Variants in CFAP61 observed in about 807,000 individuals in gnomAD.
CFAP61 encodes the protein cilia and flagella associated protein 61.
Under a neutral mutation model 135.6 loss-of-function variants are expected in CFAP61, and 107 were observed. The observed-to-expected ratio is 0.79, with a 90% CI of 0.67 to 0.93. CFAP61 has a LOEUF of 0.93. Among genes scored for constraint, CFAP61 ranks in the 40% least tolerant of loss-of-function variants. The pLI is 0.00. For missense variants in CFAP61, 1,507 were observed against 1,556.2 expected, an observed-to-expected ratio of 0.97 and a Z score of 0.53; for synonymous variants, 575 against 578.5, an observed-to-expected ratio of 0.99 and a Z score of 0.09.
At chr20:20,171,908 C>T (rs6112803) in intron 13 of CFAP61, 32 of 566,460 alleles carry the variant, frequency 5.6e-5, no homozygotes, top group East Asian at 9.3e-5. Context: ...CTCGGAGCAC[C>T]GTAGCCACAT....
At chr20:20,234,629 C>T (rs183271842) in intron 18 of CFAP61, among the ~76,000 whole-genome samples, 18 of 152,212 alleles carry the variant, frequency 1.2e-4, no homozygotes, top group East Asian at 3.9e-4. Flanking sequence ...CAGTAGTTTT[C>T]GAAACATAGT....
At chr20:20,252,066 C>A (rs1157261878) in intron 20 of CFAP61, among the ~76,000 whole-genome samples, 1 of 152,226 alleles carries the variant, frequency 6.6e-6, no homozygotes, top group Admixed American at 6.5e-5. Flanking sequence ...CTCGCCCTAG[C>A]AGAATCCAGA....
chr20:20,177,633 G>A (rs529526648), intron 13 of CFAP61, among the ~76,000 whole-genome samples: 1 of 151,602 alleles, frequency 6.6e-6, no homozygotes, highest in Admixed American at 6.6e-5. Flanking sequence ...AGGTGCTGGG[G>A]AAACAGAAAT....
chr20:20,106,494 C>A (rs1238788112), intron 8 of CFAP61, among the ~76,000 whole-genome samples: 1 of 152,210 alleles, frequency 6.6e-6, no homozygotes, highest in Non-Finnish European at 1.5e-5. Context: ...GATATCACAG[C>A]CTTGTTCTCC....
At chr20:20,209,448 A>G (rs1323040480) in intron 17 of CFAP61, among the ~76,000 whole-genome samples, 1 of 152,246 alleles carries the variant, frequency 6.6e-6, no homozygotes, top group Admixed American at 6.5e-5. Context: ...TGAATTGAAA[A>G]AGATGATTTC....
At chr20:20,263,224 C>CA in intron 21 of CFAP61, 94 bp downstream of exon 21, 18 of 826,998 alleles carry the variant, frequency 2.2e-5, no homozygotes, top group Non-Finnish European at 2.8e-5. Flanking sequence ...ATAATTAGTG[C>CA]CTAATTAATT....
intron 16 of CFAP61, 64 bp from the exon 17 acceptor site, chr20:20,199,704 G>T (rs1226120868): frequency 1.9e-6 from 3 of 1,578,756 alleles, no homozygotes; most frequent in Non-Finnish European, 2.6e-6. Flanking sequence ...AAAGCTGTAC[G>T]CAGACATCTG....
intron 6 of CFAP61, among the ~76,000 whole-genome samples, chr20:20,081,462 A>C (rs914760044): frequency 6.6e-6 from 1 of 152,156 alleles, no homozygotes; most frequent in Non-Finnish European, 1.5e-5. Flanking sequence ...GCCCATTCAA[A>C]AATTCCCTAT....
chr20:20,164,545 T>C (rs1024235796), intron 11 of CFAP61, among the ~76,000 whole-genome samples: 61 of 152,176 alleles, frequency 4.0e-4, no homozygotes, highest in Non-Finnish European at 1.5e-4. Context: ...TGAATTTGGG[T>C]TACTGGTTGT....
chr20:20,155,238 C>G (rs1261659018), intron 9 of CFAP61, among the ~76,000 whole-genome samples: 6 of 152,106 alleles, frequency 3.9e-5, no homozygotes, highest in African/African-American at 9.7e-5. Flanking sequence ...AAGAATGAAG[C>G]TGGATCCTCA....
intron 2 of CFAP61, among the ~76,000 whole-genome samples, chr20:20,057,208 G>T (rs1396751709): frequency 6.7e-6 from 1 of 150,364 alleles, no homozygotes; most frequent in Non-Finnish European, 1.5e-5. Context: ...GGGGCTTATT[G>T]TGAGCAAATG....
At chr20:20,240,352 A>G (rs1209472310) in intron 18 of CFAP61, among the ~76,000 whole-genome samples, 1 of 152,130 alleles carries the variant, frequency 6.6e-6, no homozygotes, top group Non-Finnish European at 1.5e-5. Flanking sequence ...CAGCCTCAAG[A>G]CAGTGTTGTC....
At chr20:20,204,224 T>C (rs112696840) in intron 17 of CFAP61, among the ~76,000 whole-genome samples, 6,218 of 152,316 alleles carry the variant, frequency 0.041, 166 homozygotes, top group Middle Eastern at 0.11. Flanking sequence ...TTCAGAGTGA[T>C]CTTGTTTTTT....
intron 9 of CFAP61, among the ~76,000 whole-genome samples, chr20:20,156,327 A>G (rs570570948): frequency 6.6e-6 from 1 of 152,236 alleles, no homozygotes; most frequent in African/African-American, 2.4e-5. Context: ...TCATAAATAT[A>G]TAAAAGACAT....
At chr20:20,296,318 CCTT>C (rs2055549882) in intron 24 of CFAP61, among the ~76,000 whole-genome samples, 2 of 53,174 alleles carry the variant, frequency 3.8e-5, no homozygotes, top group African/African-American at 2.5e-4. Flanking sequence ...TTCCTTCCCT[CCTT>C]CCTTCCCTTC....
chr20:20,228,074 T>A (rs1320189932), intron 17 of CFAP61, among the ~76,000 whole-genome samples, 175 bp from the exon 18 acceptor site: 2 of 152,224 alleles, frequency 1.3e-5, no homozygotes, highest in Non-Finnish European at 2.9e-5. Context: ...TGTTCTTACA[T>A]TAATTTCTTA....
At chr20:20,326,120 GTCT>G (rs2057738740) in intron 25 of CFAP61, among the ~76,000 whole-genome samples, 1 of 151,932 alleles carries the variant, frequency 6.6e-6, no homozygotes, top group Non-Finnish European at 1.5e-5. Flanking sequence ...CTATCTCTAT[GTCT>G]TCTTTGGTGA....
chr20:20,259,949 T>C (rs547604393), intron 20 of CFAP61, among the ~76,000 whole-genome samples: 2 of 152,196 alleles, frequency 1.3e-5, no homozygotes, highest in Admixed American at 6.5e-5. Context: ...AGTGGCACTT[T>C]AGTTAGTGGC....
chr20:20,176,368 A>C (rs1460752554), intron 13 of CFAP61, among the ~76,000 whole-genome samples: 1 of 151,612 alleles, frequency 6.6e-6, no homozygotes, highest in Non-Finnish European at 1.5e-5. Flanking sequence ...TACCCAAAGG[A>C]ATATAAATCA....
Sources: allele counts gnomAD v4.1 joint callset (sites outside exome capture counted in the v4.1 genomes callset), GRCh38; gene constraint gnomAD v4.1.1; transcripts MANE v1.5; gene names NCBI Gene and HGNC (gene_info 2026-07-23, HGNC 2026-07-21).